The following RYR3 variants were observed in gnomAD, a reference collection of about 807,000 sequenced individuals.
RYR3 encodes the protein brain ryanodine receptor-calcium release channel.
Under a neutral mutation model 584.3 loss-of-function variants are expected in RYR3, and 207 were observed. That is an observed-to-expected ratio of 0.35 (90% CI 0.32 to 0.40). The LOEUF is 0.40. Among genes scored for constraint, RYR3 ranks in the 10% least tolerant of loss-of-function variants. The pLI is 1.00. For synonymous variants in RYR3, 2,416 were observed against 2,248.5 expected (o/e 1.07, Z -2.11); for missense variants, 5,616 against 6,089.2 (o/e 0.92, Z 2.59).
chr15:33,842,515 C>G (rs2078435338), intron 91 of RYR3, among the ~76,000 whole-genome samples: 1 of 152,230 alleles, frequency 6.6e-6, no homozygotes, highest in Admixed American at 6.5e-5. Context: ...ACATTGCCCT[C>G]TGAGGTACAG....
chr15:33,570,014 T>C (rs2057936201), intron 12 of RYR3, among the ~76,000 whole-genome samples: 2 of 152,170 alleles, frequency 1.3e-5, no homozygotes, highest in Non-Finnish European at 2.9e-5. Context: ...GCAAATATTT[T>C]CTCTTGGTCT....
chr15:33,781,005 C>G (rs1196644974), intron 65 of RYR3, among the ~76,000 whole-genome samples: 1 of 152,140 alleles, frequency 6.6e-6, no homozygotes, highest in African/African-American at 2.4e-5. Context: ...GCTGCTTTAG[C>G]ACGACAATGG....
chr15:33,757,792 G>A, intron 60 of RYR3, 196 bp downstream of exon 60: 1 of 614,060 alleles, frequency 1.6e-6, no homozygotes, highest in South Asian at 2.1e-5. Flanking sequence ...ATACTGTGTG[G>A]GAGTACCCGT....
chr15:33,859,472 T>G, intron 99 of RYR3, 103 bp from the exon 100 acceptor site: 1 of 1,348,184 alleles, frequency 7.4e-7, no homozygotes, highest in Non-Finnish European at 1.0e-6. Flanking sequence ...CTCTCGTGGC[T>G]TAGGGCTGCC....
chr15:33,860,414 G>C (rs1887753429), intron 100 of RYR3, among the ~76,000 whole-genome samples, 181 bp from the exon 101 acceptor site: 1 of 152,150 alleles, frequency 6.6e-6, no homozygotes, highest in Non-Finnish European at 1.5e-5. Context: ...GTAGAGTTAG[G>C]AGGAACAATG....
chr15:33,639,377 G>T (rs2061672272), intron 27 of RYR3, among the ~76,000 whole-genome samples: 1 of 152,172 alleles, frequency 6.6e-6, no homozygotes, highest in Non-Finnish European at 1.5e-5. Context: ...GTTGGTGGAA[G>T]GGTAGTTATA....
At chr15:33,569,437 C>T (rs927851077) in intron 12 of RYR3, among the ~76,000 whole-genome samples, 1 of 151,926 alleles carries the variant, frequency 6.6e-6, no homozygotes, top group Non-Finnish European at 1.5e-5. Context: ...ATAACTTCTA[C>T]TTACTCTCTG....
At chr15:33,744,387 T>C (rs2070471544) in intron 52 of RYR3, among the ~76,000 whole-genome samples, 1 of 152,224 alleles carries the variant, frequency 6.6e-6, no homozygotes, top group Admixed American at 6.5e-5. Flanking sequence ...GATTGTAAGC[T>C]TCATGAGGGC....
At chr15:33,771,532 CA>C (rs59629282) in intron 62 of RYR3, among the ~76,000 whole-genome samples, 26 of 147,988 alleles carry the variant, frequency 1.8e-4, no homozygotes, top group Admixed American at 3.4e-4. Context: ...GACGCTGTCT[CA>C]AAAAAAAAAA....
At chr15:33,534,484 CA>C (rs1299221694) in intron 5 of RYR3, among the ~76,000 whole-genome samples, 5 of 152,144 alleles carry the variant, frequency 3.3e-5, no homozygotes, top group Admixed American at 3.3e-4. Context: ...CAATGATATA[CA>C]TCATATACTT....
rs142005644 is a variant in RYR3 at position 33,571,931 on chromosome 15, T to G, written c.1268+5132T>G. On this transcript the variant is annotated intron_variant, in intron 12 of 103. Transcript: ENST00000634891. ...ATAGATATTCTCTAGTGTAACATTT[T>G]AATTAATTTGGGTTTTTAAAAATAC... Among the ~76,000 whole-genome samples the G allele has an allele frequency of 1.0e-3, 155 of 152,330 alleles. 1 individual carries two copies. Among genetic ancestry groups the G allele is most frequent in the African/African-American group, 3.4e-3 (142 of 41,586 alleles).
intron 1 of RYR3, among the ~76,000 whole-genome samples, chr15:33,464,503 T>TATATATATGTAC (rs1180164194): frequency 9.4e-6 from 1 of 105,942 alleles, no homozygotes; most frequent in African/African-American, 3.4e-5. Context: ...CATATATATA[T>TATATATATGTAC]ACATACACAT....
intron 1 of RYR3, among the ~76,000 whole-genome samples, chr15:33,416,114 C>T (rs1206694705): frequency 6.6e-6 from 1 of 152,092 alleles, no homozygotes; most frequent in Non-Finnish European, 1.5e-5. Context: ...TGATGGGCGC[C>T]CAGGCTGATT....
At chr15:33,660,802 A>G (rs1272651287) in intron 34 of RYR3, among the ~76,000 whole-genome samples, 1 of 152,172 alleles carries the variant, frequency 6.6e-6, no homozygotes, top group African/African-American at 2.4e-5. Context: ...AGGTGCTATT[A>G]ATTATGGCTG....
Position 33,780,269 on chromosome 15 carries a change from T to A in RYR3, c.9196T>A (p.Phe3066Ile), listed in dbSNP as rs776639416. The A allele has an allele frequency of 2.5e-6, 4 of 1,613,756 alleles. No homozygotes were observed. The Admixed American group carries it at 6.7e-5, about 27-fold the overall frequency. ...ASLAAAIPVA[F>I]LEPTLNRYNP... is the part of the protein sequence containing the mutation. ...GCTGGCAGCTGCCATACCAGTGGCATTCCTGGAGCCCACCCTTAATCGCTA... is the reference window on the plus strand; with the variant it reads ...GCTGGCAGCTGCCATACCAGTGGCAATCCTGGAGCCCACCCTTAATCGCTA... The change falls in exon 65 of 104, where the codon TTC becomes ATC. Residue 3066 changes from phenylalanine (F) to isoleucine (I), a missense_variant. Physicochemically the swap from Phe to Ile is conservative, Grantham distance 21. Coordinates refer to ENST00000634891, the MANE Select transcript of RYR3 (RefSeq NM_001036.6).
At chr15:33,406,944 T>C (rs1474714291) in intron 1 of RYR3, among the ~76,000 whole-genome samples, 1 of 152,204 alleles carries the variant, frequency 6.6e-6, no homozygotes, top group Non-Finnish European at 1.5e-5. Flanking sequence ...TTATAAACAA[T>C]AGAAATTTAT....
chr15:33,685,781 A>C (rs1018698761), intron 38 of RYR3, among the ~76,000 whole-genome samples: 1 of 152,272 alleles, frequency 6.6e-6, no homozygotes, highest in African/African-American at 2.4e-5. Context: ...ATTCAGGATT[A>C]AGAAACTCAC....
chr15:33,594,823 C>T (rs1175513351), intron 16 of RYR3, among the ~76,000 whole-genome samples: 1 of 152,150 alleles, frequency 6.6e-6, no homozygotes, highest in African/African-American at 2.4e-5. Context: ...AATTTGTTAC[C>T]TCTGTGGCAC....
At chr15:33,781,956 CTT>C (rs1323757768) in intron 65 of RYR3, among the ~76,000 whole-genome samples, 1 of 152,028 alleles carries the variant, frequency 6.6e-6, no homozygotes, top group Non-Finnish European at 1.5e-5. Context: ...GCAGAGCAGA[CTT>C]TGGTGAAGTT....
Sources: allele counts gnomAD v4.1 joint callset (sites outside exome capture counted in the v4.1 genomes callset), GRCh38; gene constraint gnomAD v4.1.1; transcripts MANE v1.5; gene names NCBI Gene and HGNC (gene_info 2026-07-23, HGNC 2026-07-21).